Variants in ASH1L observed in about 807,000 individuals in gnomAD.
The protein encoded by ASH1L is histone-lysine N-methyltransferase ASH1L.
ASH1L carries 23 observed loss-of-function variants against 269.0 expected under a neutral mutation model. That is an observed-to-expected ratio of 0.09 (90% CI 0.06 to 0.12). ASH1L has a LOEUF of 0.12. Among genes scored for constraint, ASH1L ranks in the 10% least tolerant of loss-of-function variants. The probability of loss-of-function intolerance (pLI) is 1.00; values close to 1 mark genes in which losing one functional copy is unlikely to be tolerated. For missense variants in ASH1L, 2,912 were observed against 3,567.8 expected (o/e 0.82, Z 4.68); for synonymous variants, 1,187 against 1,253.5 (o/e 0.95, Z 1.12).
At chr1:155,437,375 C>A (rs1027656573) in intron 5 of ASH1L, among the ~76,000 whole-genome samples, 1 of 151,948 alleles carries the variant, frequency 6.6e-6, no homozygotes, top group Non-Finnish European at 1.5e-5. Flanking sequence ...TAGGGAACAG[C>A]AAATTAAAAC....
chr1:155,435,118 AC>A (rs1378831082), intron 5 of ASH1L, among the ~76,000 whole-genome samples: 1 of 152,202 alleles, frequency 6.6e-6, no homozygotes, highest in African/African-American at 2.4e-5. Context: ...AGATTGCGCC[AC>A]TGCATTCCAG....
intron 1 of ASH1L, among the ~76,000 whole-genome samples, chr1:155,538,392 C>A (rs183207234): frequency 2.0e-5 from 3 of 151,606 alleles, no homozygotes; most frequent in Admixed American, 1.3e-4. Flanking sequence ...GAGTCTCACT[C>A]TGTCACCCAG....
chr1:155,467,434 A>T (rs1664775762), intron 3 of ASH1L, among the ~76,000 whole-genome samples: 2 of 152,252 alleles, frequency 1.3e-5, no homozygotes, highest in South Asian at 4.1e-4. Flanking sequence ...TAGTCTGTAC[A>T]GTACAGAACA....
chr1:155,520,765 G>C (rs886556007), intron 2 of ASH1L, among the ~76,000 whole-genome samples: 1 of 152,028 alleles, frequency 6.6e-6, no homozygotes, highest in East Asian at 2.0e-4. Context: ...GGGAGGCTGA[G>C]GCAGGAGAAC....
At chr1:155,372,015 T>C (rs773434689) in intron 10 of ASH1L, among the ~76,000 whole-genome samples, 2 of 151,966 alleles carry the variant, frequency 1.3e-5, no homozygotes, top group Non-Finnish European at 2.9e-5. Flanking sequence ...CTCTTATTTA[T>C]TTTTTTGAGA....
At chr1:155,449,184 T>C (rs907565227) in intron 4 of ASH1L, among the ~76,000 whole-genome samples, 1 of 152,194 alleles carries the variant, frequency 6.6e-6, no homozygotes. Context: ...TCCACTCGCC[T>C]TGGCCTCCCA....
At chr1:155,477,637 G>A (rs1267786984) in intron 3 of ASH1L, among the ~76,000 whole-genome samples, 4 of 151,788 alleles carry the variant, frequency 2.6e-5, no homozygotes, top group Non-Finnish European at 4.4e-5. Flanking sequence ...GATTTTTCCT[G>A]GTTTCCAAAA....
chr1:155,533,120 TG>T (rs1558200254), intron 1 of ASH1L, among the ~76,000 whole-genome samples: 2 of 151,882 alleles, frequency 1.3e-5, no homozygotes, highest in Non-Finnish European at 1.5e-5. Flanking sequence ...CATGCTTTGA[TG>T]GAACACTATT....
intron 6 of ASH1L, among the ~76,000 whole-genome samples, chr1:155,411,586 A>AATAAATAAATAAATAT (rs1297131961): frequency 1.1e-4 from 6 of 55,178 alleles, no homozygotes; most frequent in Admixed American, 2.5e-4. Flanking sequence ...TAAATAAATA[A>AATAAATAAATAAATAT]ATATATATAT....
chr1:155,514,532 T>C (rs1002113541), intron 2 of ASH1L, among the ~76,000 whole-genome samples: 33 of 151,362 alleles, frequency 2.2e-4, no homozygotes, highest in Non-Finnish European at 4.9e-4. Context: ...TGCTAATGAT[T>C]ACTTGCTGTT....
intron 10 of ASH1L, 77 bp downstream of exon 10, chr1:155,378,201 ATTT>A (rs2148438326): frequency 9.2e-7 from 1 of 1,087,396 alleles, no homozygotes; most frequent in Non-Finnish European, 1.4e-6. Context: ...CAAAGAGCCT[ATTT>A]AACTGTACCC....
At chr1:155,497,990 G>A (rs1300456978) in intron 2 of ASH1L, among the ~76,000 whole-genome samples, 2 of 152,068 alleles carry the variant, frequency 1.3e-5, no homozygotes, top group Non-Finnish European at 2.9e-5. Context: ...CTGACCTTGA[G>A]ATCCACCCGC....
chr1:155,545,381 G>A (rs1670737452), intron 1 of ASH1L, among the ~76,000 whole-genome samples: 1 of 151,244 alleles, frequency 6.6e-6, no homozygotes, highest in Non-Finnish European at 1.5e-5. Flanking sequence ...CTACTTTTGA[G>A]ACTCCTATAG....
intron 1 of ASH1L, among the ~76,000 whole-genome samples, chr1:155,548,526 CAA>C (rs1343701314): frequency 6.6e-6 from 1 of 152,066 alleles, no homozygotes; most frequent in Non-Finnish European, 1.5e-5. Flanking sequence ...CCGTATCAAA[CAA>C]AAGAGAGATA....
chr1:155,406,203 C>CAA (rs964056210), intron 6 of ASH1L, among the ~76,000 whole-genome samples: 55 of 51,640 alleles, frequency 1.1e-3, no homozygotes, highest in African/African-American at 1.8e-3. Flanking sequence ...GACTCTGTCT[C>CAA]AAAAAAAAAA....
At chr1:155,384,455 T>C (rs1266801517) in intron 7 of ASH1L, among the ~76,000 whole-genome samples, 2 of 149,932 alleles carry the variant, frequency 1.3e-5, no homozygotes, top group Non-Finnish European at 3.0e-5. Context: ...GGGTAATTTC[T>C]CTGTCATTGC....
At chr1:155,495,659 C>T (rs1667099554) in intron 2 of ASH1L, among the ~76,000 whole-genome samples, 1 of 152,120 alleles carries the variant, frequency 6.6e-6, no homozygotes, top group African/African-American at 2.4e-5. Flanking sequence ...AAACACTGAA[C>T]ACTTAAGCTA....
At chr1:155,504,096 G>C (rs1667669607) in intron 2 of ASH1L, among the ~76,000 whole-genome samples, 1 of 152,192 alleles carries the variant, frequency 6.6e-6, no homozygotes, top group Non-Finnish European at 1.5e-5. Flanking sequence ...ACGTTATTAA[G>C]TAGGCCCTGG....
chr1:155,482,047 T>G lies in ASH1L; in HGVS notation c.823A>C (p.Thr275Pro), dbSNP rs147074172. 56 of 1,614,074 alleles carry G rather than the reference T, an allele frequency of 3.5e-5. No homozygotes were observed. The highest frequency in any genetic ancestry group is 4.4e-5 in the Non-Finnish European group (52 of 1,180,024). The change falls in exon 3 of 28, where the codon ACC becomes CCC. Residue 275 changes from threonine (T) to proline (P), a missense_variant. This residue lies in a region of ASH1L where 277 missense variants were observed against 367.7 expected (regional missense o/e 0.75). Coordinates refer to ENST00000392403, the MANE Select transcript of ASH1L (RefSeq NM_018489.3). ...IIHKDLIKKP[T>P]ISTAVGLVTK... Reference sequence around the variant, plus strand: ...ACCAATCCAACTGCTGTGCTGATGGTTGGCTTTTTTATTAAGTCCTTATGT... The same window carrying G: ...ACCAATCCAACTGCTGTGCTGATGGGTGGCTTTTTTATTAAGTCCTTATGT...
Sources: gnomAD v4.1 joint callset for allele counts (sites outside exome capture counted in the v4.1 genomes callset) on GRCh38, gnomAD v4.1.1 for gene constraint, gnomAD v4.1.1 regional missense constraint, MANE v1.5 for transcripts, NCBI Gene and HGNC (gene_info 2026-07-23, HGNC 2026-07-21) for gene names.